RBM42: variants seen among roughly 807,000 people sequenced by gnomAD.
The protein encoded by RBM42 is RNA binding motif protein 42.
Under a neutral mutation model 41.4 loss-of-function variants are expected in RBM42, and 21 were observed. That is an observed-to-expected ratio of 0.51 (90% CI 0.36 to 0.73). The LOEUF (loss-of-function observed/expected upper bound fraction) is 0.73. RBM42 is among the 30% of genes least tolerant of loss of function. The pLI, the probability that RBM42 is intolerant of heterozygous loss-of-function variation, is 0.00. For missense variants in RBM42, 539 were observed against 680.4 expected (o/e 0.79, Z 2.31); for synonymous variants, 272 against 271.2 (o/e 1.00, Z -0.03).
chr19:35,637,637 C>A lies in RBM42; in HGVS notation c.*83C>A. On this transcript the variant is annotated 3_prime_UTR_variant, in exon 10 of 10. Coordinates refer to ENST00000262633, the MANE Select transcript of RBM42 (RefSeq NM_024321.5). This position sits in a 1 kb window ranked among gnomAD's most constrained non-coding sequence, Gnocchi z 7.0. ...TCTTTGGAAAACCCCCAGCTGTCCA[C>A]CCATCCCCTGCCCCAAAACCAGTTT... 2 of 1,039,220 alleles carry A rather than the reference C, an allele frequency of 1.9e-6. No individual in the cohort carries two copies. Among genetic ancestry groups the A allele is most frequent in the Non-Finnish European group, 2.9e-6 (2 of 698,622 alleles). 64.4% of individuals were successfully genotyped at this position (1,039,220 alleles called of 1,614,324 possible). A position where few individuals can be genotyped will look rare whatever the true frequency, so the allele number is the denominator to read the frequency against.
At chr19:35,630,631 C>T (rs34925404) in intron 2 of RBM42, among the ~76,000 whole-genome samples, 24,812 of 151,876 alleles carry the variant, frequency 0.16, 2,266 homozygotes, top group East Asian at 0.33. Context: ...GCGGGCGTGT[C>T]GGCGGGCGCC....
chr19:35,630,582 A>G (rs1335697986), intron 2 of RBM42, among the ~76,000 whole-genome samples: 3 of 152,218 alleles, frequency 2.0e-5, no homozygotes, highest in Non-Finnish European at 4.4e-5. Context: ...CCTGGCCAAC[A>G]TGGTGCAACC....
intron 4 of RBM42, among the ~76,000 whole-genome samples, chr19:35,632,589 A>G (rs756784): frequency 0.65 from 98,398 of 151,850 alleles, 32,762 homozygotes; most frequent in East Asian, 0.8. Context: ...CACTGATCCC[A>G]CTGCCTGGGC....
chr19:35,629,578 G>A lies in RBM42; in HGVS notation c.187G>A (p.Val63Met). Reference protein sequence around the residue: ...VPGIPTAVPAVPTVPTVPTVE... With the variant: ...VPGIPTAVPAMPTVPTVPTVE... ...TGGAATCCCAACTGCTGTGCCTGCG[G>A]TGCCCACTGTCCCCACGGTCCCCAC... Residue 63 changes from valine (V) to methionine (M), a missense_variant, in exon 2 of 10, where the codon GTG becomes ATG. Coordinates refer to ENST00000262633, the MANE Select transcript of RBM42 (RefSeq NM_024321.5). 1.2e-6 allele frequency: 2 copies of A among 1,614,186 alleles called. No individual in the cohort carries two copies. Among genetic ancestry groups the A allele is most frequent in the East Asian group, 4.5e-5 (2 of 44,878 alleles).
At chr19:35,632,671 A>C (rs1047089233) in intron 4 of RBM42, among the ~76,000 whole-genome samples, 1 of 151,742 alleles carries the variant, frequency 6.6e-6, no homozygotes, top group African/African-American at 2.4e-5. Context: ...CCTCCTCTGG[A>C]CCAGGAGCTC....
Position 35,637,606 on chromosome 19 carries a change from C to G in RBM42, c.*52C>G, listed in dbSNP as rs1967522022. 4.2e-6 allele frequency: 6 copies of G among 1,433,746 alleles called. No individual in the cohort carries two copies. Among genetic ancestry groups the G allele is most frequent in the Non-Finnish European group, 5.8e-6 (6 of 1,030,972 alleles). The allele number at this position is 1,433,746 out of a possible 1,614,324, so 88.8% of individuals were successfully genotyped here. A position where few individuals can be genotyped will look rare whatever the true frequency, so the allele number is the denominator to read the frequency against. On this transcript the variant is annotated 3_prime_UTR_variant, in exon 10 of 10. Coordinates refer to ENST00000262633, the MANE Select transcript of RBM42 (RefSeq NM_024321.5). This position sits in a 1 kb window ranked among gnomAD's most constrained non-coding sequence, Gnocchi z 7.0. Reference sequence around the variant, plus strand: ...CCTGGCCGGGCGCTGGCTCCTCCCTCAGTTCTCTTTGGAAAACCCCCAGCT... The same window carrying G: ...CCTGGCCGGGCGCTGGCTCCTCCCTGAGTTCTCTTTGGAAAACCCCCAGCT...
At chr19:35,636,324 A>T (rs1455995184) in intron 8 of RBM42, among the ~76,000 whole-genome samples, 2 of 151,794 alleles carry the variant, frequency 1.3e-5, no homozygotes, top group Admixed American at 1.3e-4. Context: ...ACACCCAGCT[A>T]ATTTTTGTAT....
chr19:35,632,085 G>A (rs543241211), intron 4 of RBM42, among the ~76,000 whole-genome samples: 1 of 152,224 alleles, frequency 6.6e-6, no homozygotes, highest in South Asian at 2.1e-4. Flanking sequence ...TTCTTACTTG[G>A]ATGTAAAATT....
intron 4 of RBM42, 121 bp downstream of exon 4, chr19:35,631,526 C>A: frequency 1.1e-6 from 1 of 924,382 alleles, no homozygotes; most frequent in South Asian, 1.6e-5. Flanking sequence ...TTGATGTTGT[C>A]ATCCTAAAGC....
chr19:35,629,132 G>A lies in RBM42; in HGVS notation c.-22G>A. ...GCGGCTAAGCAGAGACTGTAGTAGC[G>A]GCGACAGCGACGACGGCAGCGATGG... On this transcript the variant is annotated 5_prime_UTR_variant, in exon 1 of 10. Coordinates refer to ENST00000262633, the MANE Select transcript of RBM42 (RefSeq NM_024321.5). 1 of 1,520,438 alleles carries A rather than the reference G, an allele frequency of 6.6e-7. No individual in the cohort carries two copies. Among genetic ancestry groups the A allele is most frequent in the Non-Finnish European group, 8.8e-7 (1 of 1,137,746 alleles). 94.2% of individuals were successfully genotyped at this position (1,520,438 alleles called of 1,614,324 possible).
Position 35,629,095 on chromosome 19 carries a change from G to T in RBM42, c.-59G>T. The T allele has an allele frequency of 6.8e-7, 1 of 1,479,998 alleles. No individual in the cohort carries two copies. The highest frequency in any genetic ancestry group is 1.3e-5 in the South Asian group (1 of 77,664). 91.7% of individuals were successfully genotyped at this position (1,479,998 alleles called of 1,614,324 possible). On this transcript the variant is annotated 5_prime_UTR_variant, in exon 1 of 10. Transcript: ENST00000262633. Reference sequence around the variant, plus strand: ...GGACGAAGGGGGAGAGTAGACAGCAGAACCAGCGGCGGCGGCTAAGCAGAG... The same window carrying T: ...GGACGAAGGGGGAGAGTAGACAGCATAACCAGCGGCGGCGGCTAAGCAGAG...
intron 8 of RBM42, among the ~76,000 whole-genome samples, chr19:35,634,655 A>C (rs1967465327): frequency 6.6e-6 from 1 of 150,562 alleles, no homozygotes; most frequent in Non-Finnish European, 1.5e-5. Flanking sequence ...TTAGGATAAA[A>C]ATTTTTTTTT....
chr19:35,630,749 G>C (rs749797303), intron 2 of RBM42, among the ~76,000 whole-genome samples: 1 of 152,220 alleles, frequency 6.6e-6, no homozygotes, highest in Non-Finnish European at 1.5e-5. Context: ...CTGGACAATA[G>C]AGCGAGACTC....
chr19:35,631,100 T>C, intron 2 of RBM42, 40 bp from the exon 3 acceptor site: 1 of 1,572,248 alleles, frequency 6.4e-7, no homozygotes, highest in South Asian at 1.1e-5. Context: ...CAGATGGGAA[T>C]GCTGAGTCAG....
At chr19:35,631,049 A>G (rs1302517876) in intron 2 of RBM42, 91 bp from the exon 3 acceptor site, 7 of 1,152,030 alleles carry the variant, frequency 6.1e-6, no homozygotes, top group South Asian at 2.5e-5. Flanking sequence ...ACAGAGCACA[A>G]AGCATGAAGC....
intron 4 of RBM42, among the ~76,000 whole-genome samples, chr19:35,632,207 G>A (rs1350681724): frequency 6.6e-6 from 1 of 152,042 alleles, no homozygotes; most frequent in East Asian, 1.9e-4. Flanking sequence ...TTTTAGTATG[G>A]TTTTGATCAA....
At chr19:35,632,060 T>C (rs965438303) in intron 4 of RBM42, 5 of 152,976 alleles carry the variant, frequency 3.3e-5, no homozygotes, top group African/African-American at 1.2e-4. Context: ...CTTATATGTA[T>C]GAAAAGGATG....
intron 8 of RBM42, among the ~76,000 whole-genome samples, chr19:35,635,888 C>T (rs1237906102): frequency 6.6e-6 from 1 of 152,008 alleles, no homozygotes; most frequent in African/African-American, 2.4e-5. Flanking sequence ...TTGAAGTGTC[C>T]AGGGCAGTTG....
At chr19:35,632,456 C>T (rs1967422476) in intron 4 of RBM42, among the ~76,000 whole-genome samples, 1 of 152,202 alleles carries the variant, frequency 6.6e-6, no homozygotes, top group South Asian at 2.1e-4. Context: ...TTCTTCCTGC[C>T]AATAATATTC....
Sources: gnomAD v4.1 joint callset for allele counts (sites outside exome capture counted in the v4.1 genomes callset) on GRCh38, gnomAD v4.1.1 for gene constraint, Gnocchi (gnomAD v3.1) non-coding constraint, MANE v1.5 for transcripts, NCBI Gene and HGNC (gene_info 2026-07-23, HGNC 2026-07-21) for gene names.